The following FHOD3 variants were observed in gnomAD, a reference collection of about 807,000 sequenced individuals.
FHOD3 encodes FH1/FH2 domain-containing protein 3.
FHOD3 carries 90 observed loss-of-function variants against 173.0 expected under a neutral mutation model. The ratio of observed to expected loss-of-function variants is 0.52; its 90% CI spans 0.44 to 0.62. The LOEUF is 0.62. Ranked by LOEUF, FHOD3 falls within the 20% of genes least tolerant of loss-of-function variation. FHOD3 has a pLI of 0.00. For synonymous variants in FHOD3, 828 were observed against 823.0 expected (o/e 1.01, Z -0.10); for missense variants, 1,945 against 2,034.7 (o/e 0.96, Z 0.85).
chr18:36,358,993 G>A (rs532407296), intron 2 of FHOD3, among the ~76,000 whole-genome samples: 4 of 152,226 alleles, frequency 2.6e-5, no homozygotes, highest in African/African-American at 9.6e-5. Flanking sequence ...AGACTTTTTA[G>A]GTTCTCTCCT....
chr18:36,305,870 C>T (rs540307279), intron 1 of FHOD3, among the ~76,000 whole-genome samples: 1 of 152,142 alleles, frequency 6.6e-6, no homozygotes, highest in Non-Finnish European at 1.5e-5. Flanking sequence ...TTTTATATCA[C>T]TTTAACAATT....
Position 36,755,324 on chromosome 18 carries a change from C to T in FHOD3, c.4425+13C>T, listed in dbSNP as rs750494890. On this transcript the variant is annotated intron_variant, in intron 25 of 28. Coordinates refer to ENST00000590592, the MANE Select transcript of FHOD3 (RefSeq NM_001281740.3). ...GATGATCACCGATGTAAGTTTCACA[C>T]AATCCCTCTCCTTATGTCATTCGTT... 1 of 1,507,400 alleles carries T rather than the reference C, an allele frequency of 6.6e-7. No individual in the cohort carries two copies. Among genetic ancestry groups the T allele is most frequent in the Admixed American group, 1.9e-5 (1 of 53,154 alleles). The allele number at this position is 1,507,400 out of a possible 1,614,324, so 93.4% of individuals were successfully genotyped here.
At chr18:36,337,800 T>G (rs978259843) in intron 1 of FHOD3, among the ~76,000 whole-genome samples, 8 of 152,134 alleles carry the variant, frequency 5.3e-5, no homozygotes, top group African/African-American at 1.7e-4. Flanking sequence ...TGATGCCAGG[T>G]TGGGGGAGGC....
intron 3 of FHOD3, among the ~76,000 whole-genome samples, chr18:36,472,551 G>A (rs1469721376): frequency 6.6e-6 from 1 of 152,076 alleles, no homozygotes; most frequent in African/African-American, 2.4e-5. Context: ...ATACCCACTA[G>A]CAGTCACTCC....
At chr18:36,735,663 C>A (rs919892148) in intron 20 of FHOD3, among the ~76,000 whole-genome samples, 1 of 151,966 alleles carries the variant, frequency 6.6e-6, no homozygotes, top group Non-Finnish European at 1.5e-5. Context: ...TAAGTTGCTA[C>A]AGGAAAGTAA....
chr18:36,540,980 G>A (rs2057187728), intron 5 of FHOD3, among the ~76,000 whole-genome samples: 1 of 152,196 alleles, frequency 6.6e-6, no homozygotes. Context: ...GCTGGGCGTG[G>A]TGGCTCATGC....
intron 1 of FHOD3, among the ~76,000 whole-genome samples, chr18:36,347,915 A>G (rs960406519): frequency 6.6e-6 from 1 of 152,242 alleles, no homozygotes; most frequent in African/African-American, 2.4e-5. Flanking sequence ...AGAAGTGTGT[A>G]TAGTTTGAAG....
At chr18:36,646,226 A>G (rs1250160857) in intron 10 of FHOD3, among the ~76,000 whole-genome samples, 11 of 151,604 alleles carry the variant, frequency 7.3e-5, no homozygotes, top group Admixed American at 7.2e-4. Context: ...CAAAATTTAC[A>G]AAAAGTTTAT....
intron 3 of FHOD3, among the ~76,000 whole-genome samples, chr18:36,448,394 G>T (rs17746694): frequency 0.17 from 25,427 of 152,026 alleles, 2,410 homozygotes; most frequent in East Asian, 0.29. Flanking sequence ...TTGTTTCAGG[G>T]TCACACATTT....
chr18:36,620,841 C>T (rs772170473), intron 9 of FHOD3, among the ~76,000 whole-genome samples: 14 of 152,198 alleles, frequency 9.2e-5, no homozygotes, highest in Non-Finnish European at 1.6e-4. Context: ...ATATTCATTG[C>T]CAAAAGACAA....
chr18:36,302,838 A>G (rs939086420), intron 1 of FHOD3, among the ~76,000 whole-genome samples: 3 of 152,250 alleles, frequency 2.0e-5, no homozygotes, highest in African/African-American at 7.2e-5. Flanking sequence ...TGAACAGCTA[A>G]GAGTGTCTCC....
intron 17 of FHOD3, among the ~76,000 whole-genome samples, chr18:36,708,602 G>A (rs754970810): frequency 6.6e-6 from 1 of 152,150 alleles, no homozygotes; most frequent in Non-Finnish European, 1.5e-5. Context: ...CTTATTGGGA[G>A]ACTCTGGGAA....
chr18:36,630,251 TA>T (rs1362802157), intron 10 of FHOD3, among the ~76,000 whole-genome samples: 4 of 152,158 alleles, frequency 2.6e-5, no homozygotes, highest in Non-Finnish European at 5.9e-5. Context: ...ATTTCTAGTT[TA>T]AAAAAATCCA....
At chr18:36,515,149 A>G (rs547941290) in intron 5 of FHOD3, among the ~76,000 whole-genome samples, 1 of 152,266 alleles carries the variant, frequency 6.6e-6, no homozygotes, top group Admixed American at 6.5e-5. Flanking sequence ...GATGATGTTG[A>G]TACAGGGAAC....
At chr18:36,338,735 C>G (rs2045453419) in intron 1 of FHOD3, among the ~76,000 whole-genome samples, 1 of 152,176 alleles carries the variant, frequency 6.6e-6, no homozygotes, top group Non-Finnish European at 1.5e-5. Context: ...GCAGTCACAG[C>G]CAGCTGGACT....
chr18:36,616,407 A>G (rs2033205271), intron 9 of FHOD3, among the ~76,000 whole-genome samples: 1 of 152,178 alleles, frequency 6.6e-6, no homozygotes, highest in Admixed American at 6.5e-5. Flanking sequence ...CAACTCCAGG[A>G]ATCTAAAAAC....
Position 36,627,669 on chromosome 18 carries a change from A to G in FHOD3, c.1196+1920A>G, listed in dbSNP as rs534354418. On this transcript the variant is annotated intron_variant, in intron 10 of 28. Transcript: ENST00000590592. The stretch of plus-strand genomic sequence containing the variant: ...GTTTTATCTATCTAGATTGATGATT[A>G]TGAAGTGACTTCATTTACGAAGCCT... Among the ~76,000 whole-genome samples, 17 of 152,362 alleles carry G rather than the reference A, an allele frequency of 1.1e-4. 1 individual carries two copies. The highest frequency in any genetic ancestry group is 1.1e-3 in the Admixed American group (17 of 15,304).
chr18:36,397,781 C>T (rs557770873), intron 3 of FHOD3, among the ~76,000 whole-genome samples: 6 of 152,080 alleles, frequency 3.9e-5, no homozygotes, highest in Admixed American at 2.6e-4. Flanking sequence ...ACTAGGGGTC[C>T]GCACTCTAGG....
intron 3 of FHOD3, among the ~76,000 whole-genome samples, chr18:36,406,492 T>C (rs1598993868): frequency 1.3e-5 from 2 of 152,202 alleles, no homozygotes; most frequent in East Asian, 3.9e-4. Context: ...TTAGGAGTGG[T>C]TGGGGGTGGG....
Sources: allele counts gnomAD v4.1 joint callset (sites outside exome capture counted in the v4.1 genomes callset), GRCh38; gene constraint gnomAD v4.1.1; transcripts MANE v1.5; gene names NCBI Gene and HGNC (gene_info 2026-07-23, HGNC 2026-07-21).